INPP5A: variants seen among roughly 807,000 people sequenced by gnomAD.
The protein encoded by INPP5A is 43 kDa inositol polyphosphate 5-phophatase.
INPP5A carries 14 observed loss-of-function variants against 65.2 expected under a neutral mutation model. That is an observed-to-expected ratio of 0.21 (90% CI 0.14 to 0.34). The LOEUF is 0.34. Among genes scored for constraint, INPP5A ranks in the 10% least tolerant of loss-of-function variants. The pLI is 1.00. For missense variants in INPP5A, 431 were observed against 545.6 expected (o/e 0.79, Z 2.09); for synonymous variants, 207 against 208.3 (o/e 0.99, Z 0.05).
At position 132,553,415 on chromosome 10, in the gene INPP5A, A is replaced by G. The variant is rs61861423; in HGVS notation, c.75+15244A>G. On this transcript the variant is annotated intron_variant, in intron 1 of 15. Transcript: ENST00000368594. The stretch of plus-strand genomic sequence containing the variant: ...TCAGAGCCTTGGTGGAATATTGAGT[A>G]GGATAGGGAGGGAGGACTGGTGAAC... Among the ~76,000 whole-genome samples the G allele has an allele frequency of 6.3e-3, 706 of 112,948 alleles. 5 individuals carry two copies. Among genetic ancestry groups the G allele is most frequent in the Non-Finnish European group, 8.1e-3 (448 of 55,094 alleles). The allele number at this position is 112,948 out of a possible 152,430, so 74.1% of individuals were successfully genotyped here.
At chr10:132,544,174 C>T (rs2070939592) in intron 1 of INPP5A, among the ~76,000 whole-genome samples, 1 of 152,264 alleles carries the variant, frequency 6.6e-6, no homozygotes, top group South Asian at 2.1e-4. Context: ...TCTAGACGCA[C>T]AGCCATAAGT....
Position 132,753,104 on chromosome 10 carries a change from T to C in INPP5A, c.903+3259T>C, listed in dbSNP as rs1846526511. Among the ~76,000 whole-genome samples the C allele has an allele frequency of 6.6e-6, 1 of 152,156 alleles. No homozygotes were observed. Among genetic ancestry groups the C allele is most frequent in the South Asian group, 2.1e-4 (1 of 4,836 alleles). The stretch of plus-strand genomic sequence containing the variant: ...TCCTGCTACTCAGATCCTCTCTGTT[T>C]GGGGCCTGGGACGACGGCACCTTCG... On this transcript the variant is annotated intron_variant, in intron 11 of 15. Transcript: ENST00000368594. The surrounding 1 kb of genome is among the most constrained non-coding windows in gnomAD (Gnocchi z 5.3).
intron 1 of INPP5A, among the ~76,000 whole-genome samples, chr10:132,601,243 T>A (rs1048832607): frequency 2.6e-5 from 4 of 152,244 alleles, no homozygotes; most frequent in Admixed American, 6.5e-5. Context: ...TTGCATTTCC[T>A]TAATGATTAG....
chr10:132,630,813 G>A (rs2072260052), intron 2 of INPP5A, among the ~76,000 whole-genome samples: 1 of 152,118 alleles, frequency 6.6e-6, no homozygotes, highest in African/African-American at 2.4e-5. Context: ...GGGCGGCGGG[G>A]GACGTGCTTC....
chr10:132,781,944 TG>T lies in INPP5A; in HGVS notation c.*5del, dbSNP rs1488068553. The T allele has an allele frequency of 6.2e-7, 1 of 1,613,590 alleles. No individual in the cohort carries two copies. Among genetic ancestry groups the T allele is most frequent in the Admixed American group, 1.7e-5 (1 of 60,028 alleles). ...ACAAGTGTTGTGTCGTGCAGTGACG[TG>T]GTGGTAAATATGACTCCTCCCTCCA... On this transcript the variant is annotated 3_prime_UTR_variant, in exon 15 of 16. Transcript: ENST00000368594.
intron 1 of INPP5A, among the ~76,000 whole-genome samples, chr10:132,601,905 G>A (rs1016572241): frequency 4.6e-5 from 7 of 152,168 alleles, no homozygotes; most frequent in Non-Finnish European, 8.8e-5. Flanking sequence ...GGAATTGTGA[G>A]GTTTCCAATT....
intron 8 of INPP5A, among the ~76,000 whole-genome samples, chr10:132,711,972 CT>C (rs1845644561): frequency 6.6e-6 from 1 of 152,188 alleles, no homozygotes; most frequent in Non-Finnish European, 1.5e-5. Context: ...GGTGGGGCCC[CT>C]GCCCCAGAGT....
chr10:132,672,655 G>A (rs947035779), intron 4 of INPP5A, among the ~76,000 whole-genome samples: 3 of 152,140 alleles, frequency 2.0e-5, no homozygotes, highest in South Asian at 2.1e-4. Context: ...TCAGTCTCGG[G>A]TATGTATTTA....
chr10:132,776,642 C>T (rs558560847), intron 12 of INPP5A, among the ~76,000 whole-genome samples: 10 of 152,324 alleles, frequency 6.6e-5, no homozygotes, highest in African/African-American at 2.4e-4. Flanking sequence ...GGTGGCTGAG[C>T]TCAGCCACAG....
chr10:132,560,565 C>T (rs1198443502), intron 1 of INPP5A, among the ~76,000 whole-genome samples: 1 of 151,956 alleles, frequency 6.6e-6, no homozygotes, highest in Admixed American at 6.6e-5. Flanking sequence ...TGTAGATCTG[C>T]TTTGAAGCAA....
At chr10:132,738,164 C>T (rs1029024112) in intron 9 of INPP5A, among the ~76,000 whole-genome samples, 1 of 152,152 alleles carries the variant, frequency 6.6e-6, no homozygotes, top group African/African-American at 2.4e-5. Flanking sequence ...TGAGCTCATA[C>T]TTTATTTAAA....
intron 13 of INPP5A, among the ~76,000 whole-genome samples, chr10:132,778,277 C>T (rs868096557): frequency 3.3e-5 from 4 of 122,210 alleles, no homozygotes; most frequent in Non-Finnish European, 7.1e-5. Context: ...TTCAGATTTC[C>T]TGTGATTTTT....
At chr10:132,645,032 T>C (rs964097148) in intron 2 of INPP5A, among the ~76,000 whole-genome samples, 1 of 152,098 alleles carries the variant, frequency 6.6e-6, no homozygotes, top group African/African-American at 2.4e-5. Context: ...GCGCGTCCTC[T>C]CAGAGCCTCA....
chr10:132,657,014 G>A (rs1441002533), intron 4 of INPP5A, among the ~76,000 whole-genome samples: 1 of 152,214 alleles, frequency 6.6e-6, no homozygotes, highest in Non-Finnish European at 1.5e-5. Flanking sequence ...GCCACAAGCC[G>A]AGGCGTTGAG....
chr10:132,585,517 A>G (rs191491172), intron 1 of INPP5A, among the ~76,000 whole-genome samples: 260 of 152,292 alleles, frequency 1.7e-3, no homozygotes, highest in African/African-American at 5.8e-3. Context: ...CATGGTGTAT[A>G]TGGGGTTTGG....
rs146983957 is a variant in INPP5A, at chr10:132,646,026, C to T, written c.218+58C>T. ...ACTTCCCAGGGGTGTGGGGTGCCGG[C>T]GGGGGTCTTTTCATGGTACTATGAT... On this transcript the variant is annotated intron_variant, in intron 3 of 15. Coordinates refer to ENST00000368594, the MANE Select transcript of INPP5A (RefSeq NM_005539.5). 9.4e-4 allele frequency: 1,112 copies of T among 1,184,964 alleles called. 9 individuals are homozygous for T. The highest frequency in any genetic ancestry group is 9.1e-3 in the South Asian group (721 of 79,138). 73.4% of individuals were successfully genotyped at this position (1,184,964 alleles called of 1,614,324 possible). A position where few individuals can be genotyped will look rare whatever the true frequency, so the allele number is the denominator to read the frequency against.
At chr10:132,725,664 G>T (rs1177106161) in intron 8 of INPP5A, among the ~76,000 whole-genome samples, 3 of 152,230 alleles carry the variant, frequency 2.0e-5, no homozygotes, top group African/African-American at 7.2e-5. Flanking sequence ...GCAGTGACCT[G>T]CCCGGGCTGG....
chr10:132,776,811 G>C (rs1275382337), intron 12 of INPP5A, among the ~76,000 whole-genome samples: 1 of 152,156 alleles, frequency 6.6e-6, no homozygotes, highest in Admixed American at 6.5e-5. Flanking sequence ...GCGTGTTCCA[G>C]ACTCGGCGGG....
In INPP5A at chr10:132,763,535, GCA is replaced by G. The variant is rs539556427; in HGVS notation, c.904-2229_904-2228del. Among the ~76,000 whole-genome samples the G allele has an allele frequency of 1.4e-4, 21 of 152,030 alleles. No homozygotes were observed. In the South Asian group the frequency reaches 2.7e-3, roughly 20 times the overall value. On this transcript the variant is annotated intron_variant, in intron 11 of 15. Coordinates refer to ENST00000368594, the MANE Select transcript of INPP5A (RefSeq NM_005539.5). ...CATACACATAAACACGTGCCTGCAT[GCA>G]CACACACATAAACATGTGCCTGCAT... is the stretch of plus-strand genomic sequence containing the variant.
Sources: allele counts gnomAD v4.1 joint callset (sites outside exome capture counted in the v4.1 genomes callset), GRCh38; gene constraint gnomAD v4.1.1; non-coding constraint Gnocchi (gnomAD v3.1); transcripts MANE v1.5; gene names NCBI Gene and HGNC (gene_info 2026-07-23, HGNC 2026-07-21).